PDE10A: variants seen among roughly 807,000 people sequenced by gnomAD.
The protein encoded by PDE10A is cAMP and cAMP-inhibited cGMP 3',5'-cyclic phosphodiesterase 10A.
PDE10A carries 39 observed loss-of-function variants against 97.7 expected under a neutral mutation model. The observed-to-expected ratio is 0.40, with a 90% confidence interval of 0.31 to 0.52. The LOEUF (loss-of-function observed/expected upper bound fraction) is 0.52. Among genes scored for constraint, PDE10A ranks in the 20% least tolerant of loss-of-function variants. The probability of loss-of-function intolerance (pLI) is 0.56; values close to 1 mark genes in which losing one functional copy is unlikely to be tolerated. For synonymous variants in PDE10A, 371 were observed against 376.8 expected (o/e 0.98, Z 0.18); for missense variants, 731 against 1,047.8 (o/e 0.70, Z 4.17).
Position 165,726,885 on chromosome 6 carries a change from C to T in PDE10A, c.-614-183317G>A, listed in dbSNP as rs543828571. ...GAAAGGTCTCCACTTCACTCGTGAC[C>T]AAACTAAAGATGACAGAGAAGCTCA... On this transcript the variant is annotated intron_variant, in intron 1 of 19. Coordinates refer to the PDE10A transcript ENST00000366882. Among the ~76,000 whole-genome samples the T allele has an allele frequency of 3.3e-5, 5 of 152,344 alleles. No individual in the cohort carries two copies. The South Asian group carries it at 1.0e-3, about 32-fold the overall frequency.
intron 1 of PDE10A, among the ~76,000 whole-genome samples, chr6:165,590,374 G>A (rs538098316): frequency 1.3e-4 from 20 of 152,268 alleles, no homozygotes; most frequent in African/African-American, 4.3e-4. Context: ...TAAAACCCAG[G>A]CGTCTGCTTC....
At chr6:165,705,555 T>G (rs1392786976) in intron 1 of PDE10A, among the ~76,000 whole-genome samples, 1 of 152,234 alleles carries the variant, frequency 6.6e-6, no homozygotes, top group Non-Finnish European at 1.5e-5. Flanking sequence ...TTTCATGAAT[T>G]CAAAATGTTA....
intron 1 of PDE10A, among the ~76,000 whole-genome samples, chr6:165,748,422 A>G (rs1194681104): frequency 1.3e-5 from 2 of 152,250 alleles, no homozygotes; most frequent in Non-Finnish European, 2.9e-5. Flanking sequence ...GGTTTCCAGC[A>G]GCATCACATA....
chr6:165,885,271 C>A (rs913504813), intron 1 of PDE10A, among the ~76,000 whole-genome samples: 2 of 152,250 alleles, frequency 1.3e-5, no homozygotes, highest in Middle Eastern at 3.4e-3. Flanking sequence ...GCAGAGGAGG[C>A]CTCAGGAAAC....
At chr6:165,859,576 C>A (rs1357837352) in intron 1 of PDE10A, among the ~76,000 whole-genome samples, 3 of 152,244 alleles carry the variant, frequency 2.0e-5, no homozygotes, top group Admixed American at 2.0e-4. Flanking sequence ...TCCCTGCCCT[C>A]TCTGGGCACG....
At chr6:165,795,359 C>G (rs928562638) in intron 1 of PDE10A, among the ~76,000 whole-genome samples, 1 of 152,136 alleles carries the variant, frequency 6.6e-6, no homozygotes, top group African/African-American at 2.4e-5. Context: ...CCTCATCCAC[C>G]GTCGTGGTGC....
At chr6:165,908,189 T>C (rs1782351148) in intron 1 of PDE10A, among the ~76,000 whole-genome samples, 1 of 152,252 alleles carries the variant, frequency 6.6e-6, no homozygotes, top group South Asian at 2.1e-4. Context: ...ACAATGGAAA[T>C]GAAGCCACAG....
intron 3 of PDE10A, among the ~76,000 whole-genome samples, chr6:165,463,832 G>GA (rs1432654719): frequency 6.6e-6 from 1 of 152,222 alleles, no homozygotes; most frequent in Non-Finnish European, 1.5e-5. Context: ...GCCCAGGGCG[G>GA]AAAACCACTT....
At chr6:165,687,609 C>T (rs1791156937) in intron 1 of PDE10A, among the ~76,000 whole-genome samples, 1 of 152,162 alleles carries the variant, frequency 6.6e-6, no homozygotes, top group South Asian at 2.1e-4. Flanking sequence ...TCTACAAGCA[C>T]ACAATACGAA....
Position 165,379,197 on chromosome 6 carries a change from T to A in PDE10A, c.2780A>T (p.His927Leu). The change falls in exon 18 of 22, where the codon CAT becomes CTT. Residue 927 changes from histidine to leucine, a missense_variant. Around this residue, in one of 8 missense-constraint regions of PDE10A, gnomAD observed 96 missense variants for 156.7 expected, o/e 0.61. Coordinates refer to ENST00000539869, the MANE Select transcript of PDE10A (RefSeq NM_001385079.1). ...TGSLNLNNQS[H>L]RDRVIGLMMT... ...AGCTTTTAAAAATTATTTTTACCTA[T>A]GTGATTGATTATTAAGGTTTAGTGA... 1 of 1,598,184 alleles carries A rather than the reference T, an allele frequency of 6.3e-7. No individual in the cohort carries two copies. The highest frequency in any genetic ancestry group is 8.5e-7 in the Non-Finnish European group (1 of 1,172,524).
chr6:165,791,603 T>A (rs961965151), intron 1 of PDE10A, among the ~76,000 whole-genome samples: 2 of 152,174 alleles, frequency 1.3e-5, no homozygotes, highest in Admixed American at 6.5e-5. Flanking sequence ...TCTTTTGATG[T>A]CACAAGCTGC....
intron 1 of PDE10A, among the ~76,000 whole-genome samples, chr6:165,585,573 G>T (rs1030074430): frequency 2.7e-4 from 41 of 152,116 alleles, no homozygotes; most frequent in African/African-American, 9.9e-4. Context: ...GAATGATGCT[G>T]CCACAAGCCA....
intron 1 of PDE10A, among the ~76,000 whole-genome samples, chr6:165,552,121 C>G (rs1003976827): frequency 6.6e-6 from 1 of 152,176 alleles, no homozygotes; most frequent in African/African-American, 2.4e-5. Flanking sequence ...GCACTATACT[C>G]TCATTGTACC....
chr6:165,891,055 T>G (rs1198231048), intron 1 of PDE10A, among the ~76,000 whole-genome samples: 1 of 152,196 alleles, frequency 6.6e-6, no homozygotes, highest in Non-Finnish European at 1.5e-5. Context: ...GTGAGATTGG[T>G]GGTTGAAGCC....
chr6:165,851,234 G>T (rs1178045591), intron 1 of PDE10A, among the ~76,000 whole-genome samples: 1 of 152,190 alleles, frequency 6.6e-6, no homozygotes, highest in African/African-American at 2.4e-5. Context: ...GGACAAATTT[G>T]CACTGATGAC....
At chr6:165,385,407 AG>A (rs1178099090) in intron 17 of PDE10A, among the ~76,000 whole-genome samples, 1 of 152,194 alleles carries the variant, frequency 6.6e-6, no homozygotes, top group Non-Finnish European at 1.5e-5. Context: ...CATGGGTACG[AG>A]AGTCCTCAGG....
At chr6:165,501,139 C>A (rs1005147361) in intron 2 of PDE10A, among the ~76,000 whole-genome samples, 4 of 152,152 alleles carry the variant, frequency 2.6e-5, no homozygotes, top group African/African-American at 9.7e-5. Flanking sequence ...TACCCTGGGC[C>A]AATTTGTCTT....
intron 1 of PDE10A, among the ~76,000 whole-genome samples, chr6:165,981,002 G>A (rs1294626916): frequency 6.6e-6 from 1 of 151,992 alleles, no homozygotes; most frequent in Non-Finnish European, 1.5e-5. Flanking sequence ...AGAAGTGACA[G>A]GAGGTGGCAT....
At chr6:165,617,666 C>T (rs754951626) in intron 1 of PDE10A, among the ~76,000 whole-genome samples, 3 of 152,088 alleles carry the variant, frequency 2.0e-5, no homozygotes, top group African/African-American at 4.8e-5. Context: ...TTTGCCAGGA[C>T]GTGGGACTTG....
Sources: gnomAD v4.1 joint callset for allele counts (sites outside exome capture counted in the v4.1 genomes callset) on GRCh38, gnomAD v4.1.1 for gene constraint, gnomAD v4.1.1 regional missense constraint, MANE v1.5 for transcripts, NCBI Gene and HGNC (gene_info 2026-07-23, HGNC 2026-07-21) for gene names.